CSMD1: variants seen among roughly 807,000 people sequenced by gnomAD.
CSMD1 encodes the protein CUB and sushi domain-containing protein 1.
A neutral mutation model predicts 417.5 loss-of-function variants in CSMD1; 213 were observed. That is an observed-to-expected ratio of 0.51 (90% CI 0.46 to 0.57). The LOEUF is 0.57. Ranked by LOEUF, CSMD1 falls within the 20% of genes least tolerant of loss-of-function variation. The pLI, the probability that CSMD1 is intolerant of heterozygous loss-of-function variation, is 0.00. For synonymous variants in CSMD1, 2,862 were observed against 1,736.8 expected, an observed-to-expected ratio of 1.65 and a Z score of -16.11; for missense variants, 6,923 against 4,529.7, an observed-to-expected ratio of 1.53 and a Z score of -15.17.
intron 3 of CSMD1, among the ~76,000 whole-genome samples, chr8:4,237,193 C>A (rs1273028565): frequency 6.6e-6 from 1 of 152,188 alleles, no homozygotes; most frequent in African/African-American, 2.4e-5. Context: ...TCCATATTTG[C>A]ACCAACTTTG....
At chr8:3,451,621 C>T (rs566796825) in intron 12 of CSMD1, among the ~76,000 whole-genome samples, 1 of 152,060 alleles carries the variant, frequency 6.6e-6, no homozygotes, top group Non-Finnish European at 1.5e-5. Flanking sequence ...AGAGCAGATA[C>T]TTGTAGATAT....
At chr8:3,446,906 T>A (rs1297894190) in intron 12 of CSMD1, among the ~76,000 whole-genome samples, 1 of 152,214 alleles carries the variant, frequency 6.6e-6, no homozygotes, top group Non-Finnish European at 1.5e-5. Flanking sequence ...ATTAAAGCAC[T>A]AATTGAGTTG....
intron 2 of CSMD1, among the ~76,000 whole-genome samples, chr8:4,573,457 G>T (rs971042716): frequency 1.3e-5 from 2 of 152,146 alleles, no homozygotes; most frequent in Non-Finnish European, 2.9e-5. Context: ...GGAGGCTGCA[G>T]AACAGCAAAG....
chr8:4,005,047 A>G (rs1815999126), intron 4 of CSMD1, among the ~76,000 whole-genome samples: 1 of 152,188 alleles, frequency 6.6e-6, no homozygotes, highest in African/African-American at 2.4e-5. Context: ...ATGGAAAACC[A>G]AACATCCTAT....
intron 3 of CSMD1, among the ~76,000 whole-genome samples, chr8:4,185,032 G>C (rs1343571434): frequency 6.6e-6 from 1 of 150,866 alleles, no homozygotes; most frequent in East Asian, 2.0e-4. Context: ...CCAGCTACTT[G>C]GGAGGCTGAG....
At chr8:4,437,033 C>G (rs1417798856) in intron 2 of CSMD1, among the ~76,000 whole-genome samples, 1 of 152,120 alleles carries the variant, frequency 6.6e-6, no homozygotes, top group South Asian at 2.1e-4. Flanking sequence ...GAGATTGAGA[C>G]TCAGTGCTTT....
At chr8:4,049,152 G>A (rs922636972) in intron 3 of CSMD1, among the ~76,000 whole-genome samples, 2 of 151,724 alleles carry the variant, frequency 1.3e-5, no homozygotes, top group Non-Finnish European at 2.9e-5. Flanking sequence ...TTCTTCTGTT[G>A]AACTTTAATT....
intron 39 of CSMD1, among the ~76,000 whole-genome samples, chr8:3,151,999 G>T (rs913784377): frequency 6.6e-6 from 1 of 152,196 alleles, no homozygotes; most frequent in Non-Finnish European, 1.5e-5. Context: ...AAGAGATGAA[G>T]AAATTTGCCT....
chr8:3,791,450 T>G (rs1799735931), intron 5 of CSMD1, among the ~76,000 whole-genome samples: 1 of 152,252 alleles, frequency 6.6e-6, no homozygotes, highest in South Asian at 2.1e-4. Flanking sequence ...AGCATAGTGC[T>G]GATACGTAGC....
intron 3 of CSMD1, among the ~76,000 whole-genome samples, chr8:4,147,803 C>A (rs530182882): frequency 1.3e-5 from 2 of 152,086 alleles, no homozygotes; most frequent in Non-Finnish European, 2.9e-5. Context: ...TGTGCCGACT[C>A]CAAAGCCGGG....
chr8:3,399,632 G>T, intron 15 of CSMD1, 103 bp from the exon 16 acceptor site: 4 of 857,344 alleles, frequency 4.7e-6, no homozygotes, highest in Non-Finnish European at 6.6e-6. Context: ...TTCATAGACT[G>T]AATATTTTCA....
intron 4 of CSMD1, among the ~76,000 whole-genome samples, chr8:4,022,182 G>GTATATATATATATATATTAATATATA (rs766026029): frequency 3.5e-5 from 2 of 57,756 alleles, no homozygotes; most frequent in African/African-American, 1.0e-4. Flanking sequence ...GTATATTTAT[G>GTATATATATATATATATTAATATATA]TGTATATATA....
intron 3 of CSMD1, among the ~76,000 whole-genome samples, chr8:4,346,033 T>C (rs890698345): frequency 2.6e-5 from 4 of 152,142 alleles, no homozygotes; most frequent in African/African-American, 9.6e-5. Flanking sequence ...ACATTCTTAT[T>C]ATCATATCCA....
chr8:3,167,178 G>C (rs1290418223), intron 37 of CSMD1, among the ~76,000 whole-genome samples: 1 of 151,856 alleles, frequency 6.6e-6, no homozygotes, highest in Admixed American at 6.6e-5. Context: ...GCAGGTACTT[G>C]GGAGGCTGAG....
intron 5 of CSMD1, among the ~76,000 whole-genome samples, chr8:3,818,885 G>A (rs1324910401): frequency 3.9e-5 from 6 of 152,052 alleles, no homozygotes; most frequent in Admixed American, 3.9e-4. Context: ...CTTCCTTCCT[G>A]CAAACTTGAA....
intron 3 of CSMD1, among the ~76,000 whole-genome samples, chr8:4,354,429 A>G (rs1447899002): frequency 6.6e-6 from 1 of 152,224 alleles, no homozygotes; most frequent in Non-Finnish European, 1.5e-5. Flanking sequence ...ATAGCATGCT[A>G]GGAGAGAACA....
chr8:3,733,255 T>C (rs528653406), intron 6 of CSMD1, among the ~76,000 whole-genome samples: 3 of 91,862 alleles, frequency 3.3e-5, no homozygotes, highest in Non-Finnish European at 4.3e-5. Context: ...TATTAATATA[T>C]ATACACATAC....
intron 1 of CSMD1, among the ~76,000 whole-genome samples, chr8:4,941,152 G>T (rs1167797493): frequency 4.6e-5 from 7 of 151,940 alleles, no homozygotes; most frequent in Admixed American, 2.6e-4. Context: ...CAATAAATTG[G>T]ATCACTCAAT....
At chr8:3,992,217 C>T (rs1051216875) in intron 5 of CSMD1, among the ~76,000 whole-genome samples, 1 of 151,532 alleles carries the variant, frequency 6.6e-6, no homozygotes, top group Non-Finnish European at 1.5e-5. Flanking sequence ...CCCATTTATG[C>T]TATACTAAAC....
Sources: gnomAD v4.1 joint callset for allele counts (sites outside exome capture counted in the v4.1 genomes callset) on GRCh38, gnomAD v4.1.1 for gene constraint, MANE v1.5 for transcripts, NCBI Gene and HGNC (gene_info 2026-07-23, HGNC 2026-07-21) for gene names.